ARHGAP32: variants seen among roughly 807,000 people sequenced by gnomAD.
ARHGAP32 encodes rho GTPase-activating protein 32.
A neutral mutation model predicts 186.5 loss-of-function variants in ARHGAP32; 51 were observed. The observed-to-expected ratio is 0.27, with a 90% confidence interval of 0.22 to 0.35. The LOEUF (loss-of-function observed/expected upper bound fraction) is 0.35. Among genes scored for constraint, ARHGAP32 ranks in the 10% least tolerant of loss-of-function variants. The pLI is 1.00. For synonymous variants in ARHGAP32, 950 were observed against 964.3 expected (o/e 0.99, Z 0.27); for missense variants, 2,186 against 2,623.5 (o/e 0.83, Z 3.64).
intron 1 of ARHGAP32, among the ~76,000 whole-genome samples, chr11:129,174,194 A>C (rs1313091440): frequency 6.6e-6 from 1 of 152,192 alleles, no homozygotes; most frequent in Non-Finnish European, 1.5e-5. Flanking sequence ...GGCACCTGGA[A>C]AATCGGTTCA....
chr11:129,004,934 GTCT>G, intron 11 of ARHGAP32, among the ~76,000 whole-genome samples: 1 of 151,960 alleles, frequency 6.6e-6, no homozygotes, highest in Non-Finnish European at 1.5e-5. Flanking sequence ...TAGTTTTGTG[GTCT>G]TCTTTTCCTT....
At chr11:129,225,293 A>G (rs1168944281) in intron 1 of ARHGAP32, among the ~76,000 whole-genome samples, 1 of 152,194 alleles carries the variant, frequency 6.6e-6, no homozygotes. Flanking sequence ...ATTCACATGT[A>G]CAGGGCTGTG....
At chr11:129,168,309 G>C (rs1261348511) in intron 1 of ARHGAP32, among the ~76,000 whole-genome samples, 3 of 152,100 alleles carry the variant, frequency 2.0e-5, no homozygotes, top group African/African-American at 7.2e-5. Context: ...CCAAAAGGTA[G>C]AAAATGGAAG....
At chr11:129,211,709 C>T (rs7946827) in intron 1 of ARHGAP32, among the ~76,000 whole-genome samples, 13,638 of 152,232 alleles carry the variant, frequency 0.09, 843 homozygotes, top group Non-Finnish European at 0.13. Context: ...ATTCCAGAAT[C>T]TACATTTGAA....
At chr11:129,177,630 A>G (rs1565457731) in intron 1 of ARHGAP32, among the ~76,000 whole-genome samples, 1 of 152,222 alleles carries the variant, frequency 6.6e-6, no homozygotes, top group Non-Finnish European at 1.5e-5. Context: ...AGGCTGGTTC[A>G]ATATAAGCAA....
intron 6 of ARHGAP32, among the ~76,000 whole-genome samples, chr11:129,084,561 CAT>C (rs1220134046): frequency 6.6e-6 from 1 of 152,084 alleles, no homozygotes; most frequent in Non-Finnish European, 1.5e-5. Context: ...ATAAAAATCA[CAT>C]GATTTCACCA....
In ARHGAP32 at chr11:129,189,347, T is replaced by C. The variant is rs114005130; in HGVS notation, c.116+2736A>G. On this transcript the variant is annotated intron_variant, in intron 1 of 22. Coordinates refer to ENST00000682385, the MANE Select transcript of ARHGAP32 (RefSeq NM_001378024.1). ...AGCCATAAATTCCTCACCGAGGAAA[T>C]AGGAAAAATGATACCTGCTTTATAG... 6.5e-3 allele frequency among the ~76,000 whole-genome samples: 985 copies of C among 152,242 alleles called. 12 individuals are homozygous for C. The highest frequency in any genetic ancestry group is 0.023 in the African/African-American group (939 of 41,530).
chr11:129,143,528 T>TG (rs1412362200), intron 2 of ARHGAP32, among the ~76,000 whole-genome samples: 2 of 152,180 alleles, frequency 1.3e-5, no homozygotes, highest in Non-Finnish European at 1.5e-5. Flanking sequence ...TACCCGCCGG[T>TG]GACTCACTTG....
Position 129,267,519 on chromosome 11 carries a change from G to A in ARHGAP32, c.-5+11627C>T, listed in dbSNP as rs577561824. Among the ~76,000 whole-genome samples, 15 of 146,078 alleles carry A rather than the reference G, an allele frequency of 1.0e-4. 1 individual carries two copies. In the South Asian group the frequency reaches 3.0e-3, roughly 29 times the overall value. ...GATAATTTGTATAGACATATGTTTCGAGACCCCGTCTCAAAAACAAAACAA... is the reference window on the plus strand; with the variant it reads ...GATAATTTGTATAGACATATGTTTCAAGACCCCGTCTCAAAAACAAAACAA... On this transcript the variant is annotated intron_variant, in intron 1 of 6. Coordinates refer to the ARHGAP32 transcript ENST00000525234.
At chr11:129,060,166 T>C (rs1188402650) in intron 10 of ARHGAP32, among the ~76,000 whole-genome samples, 1 of 152,176 alleles carries the variant, frequency 6.6e-6, no homozygotes, top group Admixed American at 6.5e-5. Context: ...TATAAAGCTA[T>C]ACACTTAGCA....
chr11:129,246,542 C>G (rs981655182), intron 1 of ARHGAP32, among the ~76,000 whole-genome samples: 1 of 151,992 alleles, frequency 6.6e-6, no homozygotes, highest in African/African-American at 2.4e-5. Context: ...ATAAAATGAA[C>G]CAAAAAGGTT....
chr11:129,220,064 T>C (rs1172248441), intron 1 of ARHGAP32, among the ~76,000 whole-genome samples: 2 of 152,166 alleles, frequency 1.3e-5, no homozygotes, highest in Non-Finnish European at 2.9e-5. Flanking sequence ...ACTATAGCAC[T>C]TGCATAAATT....
At chr11:129,273,244 CCTAT>C (rs759932528) in intron 1 of ARHGAP32, among the ~76,000 whole-genome samples, 14 of 152,196 alleles carry the variant, frequency 9.2e-5, no homozygotes, top group South Asian at 2.1e-4. Context: ...CACCTTCTTA[CCTAT>C]CTATCTTCCA....
At chr11:129,149,091 T>C (rs1011058701) in intron 2 of ARHGAP32, among the ~76,000 whole-genome samples, 4 of 152,162 alleles carry the variant, frequency 2.6e-5, no homozygotes, top group African/African-American at 9.7e-5. Context: ...CTAAAATCCT[T>C]ATCCTGGCCA....
intron 1 of ARHGAP32, among the ~76,000 whole-genome samples, chr11:129,189,510 C>T (rs1215324714): frequency 1.3e-5 from 2 of 152,030 alleles, no homozygotes; most frequent in African/African-American, 4.8e-5. Context: ...GCCTTATATT[C>T]CTCCTTCTTA....
chr11:129,024,393 T>G (rs1220274153), intron 11 of ARHGAP32, among the ~76,000 whole-genome samples: 4 of 152,224 alleles, frequency 2.6e-5, no homozygotes, highest in Non-Finnish European at 4.4e-5. Context: ...GGAGACAGTG[T>G]ATCCAATAAA....
chr11:129,071,367 A>T (rs1164167769), intron 6 of ARHGAP32, among the ~76,000 whole-genome samples: 1 of 152,126 alleles, frequency 6.6e-6, no homozygotes, highest in Non-Finnish European at 1.5e-5. Context: ...TACAGAAAAA[A>T]AAAATAACCC....
intron 1 of ARHGAP32, among the ~76,000 whole-genome samples, chr11:129,172,080 G>T (rs978106093): frequency 6.6e-6 from 1 of 152,118 alleles, no homozygotes; most frequent in African/African-American, 2.4e-5. Context: ...TGAGATGACT[G>T]GGTTTTCTAA....
intron 6 of ARHGAP32, among the ~76,000 whole-genome samples, chr11:129,074,394 A>C (rs538568700): frequency 6.6e-6 from 1 of 152,354 alleles, no homozygotes; most frequent in South Asian, 2.1e-4. Context: ...TTTTATTACA[A>C]GGCACCTGCA....
Sources: allele counts gnomAD v4.1 joint callset (sites outside exome capture counted in the v4.1 genomes callset), GRCh38; gene constraint gnomAD v4.1.1; transcripts MANE v1.5; gene names NCBI Gene and HGNC (gene_info 2026-07-23, HGNC 2026-07-21).